Variants in TPCN1 observed in about 807,000 individuals in gnomAD.
TPCN1 encodes two pore segment channel 1, also known as two pore channel protein 1.
A neutral mutation model predicts 108.8 loss-of-function variants in TPCN1; 52 were observed. The observed-to-expected ratio is 0.48, with a 90% confidence interval of 0.38 to 0.60. The LOEUF (loss-of-function observed/expected upper bound fraction) is 0.60, where lower values mean the gene tolerates loss of function less well. Among genes scored for constraint, TPCN1 ranks in the 20% least tolerant of loss-of-function variants. The pLI is 0.00. For missense variants in TPCN1, 806 were observed against 1,072.8 expected, an observed-to-expected ratio of 0.75 and a Z score of 3.47; for synonymous variants, 446 against 433.7, an observed-to-expected ratio of 1.03 and a Z score of -0.35.
chr12:113,246,549 G>A (rs1286663221), intron 2 of TPCN1, among the ~76,000 whole-genome samples: 1 of 152,188 alleles, frequency 6.6e-6, no homozygotes, highest in Non-Finnish European at 1.5e-5. Context: ...GCCTGCCCAC[G>A]CTGCTGCTCA....
intron 25 of TPCN1, chr12:113,292,184 ATAGT>A: frequency 1.9e-6 from 1 of 523,060 alleles, no homozygotes; most frequent in Non-Finnish European, 3.4e-6. Context: ...AGAGCATGTC[ATAGT>A]TGGAGAAAAA....
chr12:113,289,356 G>C lies in TPCN1; in HGVS notation c.1796+509G>C, dbSNP rs1253645744. On this transcript the variant is annotated intron_variant, in intron 21 of 27. Coordinates refer to ENST00000335509, the MANE Select transcript of TPCN1 (RefSeq NM_017901.6). The surrounding 1 kb of genome is among the most constrained non-coding windows in gnomAD (Gnocchi z 4.1). ...GCCATTCATTCATCCTCAATTCAGA[G>C]AGTCCTCTTACATTTGGTCTTTACA... 6.6e-6 allele frequency among the ~76,000 whole-genome samples: 1 copy of C among 152,242 alleles called. No individual in the cohort carries two copies. The highest frequency in any genetic ancestry group is 1.5e-5 in the Non-Finnish European group (1 of 68,042).
At chr12:113,252,063 G>C (rs1362534379) in intron 2 of TPCN1, among the ~76,000 whole-genome samples, 1 of 151,820 alleles carries the variant, frequency 6.6e-6, no homozygotes, top group Non-Finnish European at 1.5e-5. Context: ...TGGCTCTGAG[G>C]ACTGTCCTCC....
At position 113,291,924 on chromosome 12, in the gene TPCN1, A is replaced by G; in HGVS notation, c.2079A>G (p.Arg693=). ...VAFILEAFVF[R]MNYSRKNQDS... The stretch of plus-strand genomic sequence containing the variant: ...TTATCCTCGAGGCCTTCGTCTTCCG[A>G]ATGAACTACAGCCGCAAGAACCAGG... Residue 693 remains arginine, a synonymous_variant, in exon 25 of 28, where the codon CGA becomes CGG. Coordinates refer to ENST00000335509, the MANE Select transcript of TPCN1 (RefSeq NM_017901.6). 6.2e-7 allele frequency: 1 copy of G among 1,613,156 alleles called. No homozygotes were observed. The highest frequency in any genetic ancestry group is 8.5e-7 in the Non-Finnish European group (1 of 1,179,766).
At chr12:113,227,670 C>T (rs770361975) in intron 2 of TPCN1, among the ~76,000 whole-genome samples, 7 of 152,174 alleles carry the variant, frequency 4.6e-5, no homozygotes, top group South Asian at 2.1e-4. Context: ...TAAAATAACT[C>T]GCCTTTTCTG....
At chr12:113,293,110 A>G (rs1566208715) in intron 26 of TPCN1, 37 bp downstream of exon 26, 1 of 1,603,580 alleles carries the variant, frequency 6.2e-7, no homozygotes, top group Admixed American at 1.7e-5. Context: ...GGAGGGAGGC[A>G]GGTTTCAGTG....
intron 2 of TPCN1, among the ~76,000 whole-genome samples, chr12:113,242,597 C>T (rs187954950): frequency 7.4e-4 from 112 of 152,336 alleles, no homozygotes; most frequent in Non-Finnish European, 1.2e-3. Context: ...GAATGCGAAT[C>T]GTGGCTGTTA....
intron 3 of TPCN1, among the ~76,000 whole-genome samples, chr12:113,261,412 CTT>C (rs1188898527): frequency 2.3e-5 from 2 of 87,492 alleles, no homozygotes; most frequent in Non-Finnish European, 4.3e-5. Flanking sequence ...ATAGCATAAG[CTT>C]TTTTTTTTTT....
Position 113,269,803 on chromosome 12 carries a change from C to T in TPCN1, c.706C>T (p.Leu236Phe), listed in dbSNP as rs1393884863. ...GTCCCTGCCGCCCTTCATGGACATCCTCCTGCTGCTGCTGTTCTTCATGAT... is the reference window on the plus strand; with the variant it reads ...GTCCCTGCCGCCCTTCATGGACATCTTCCTGCTGCTGCTGTTCTTCATGAT... The part of the protein sequence containing the change: ...FQSLPPFMDI[L>F]LLLLFFMIIF... The change falls in exon 7 of 28, where the codon CTC becomes TTC. Residue 236 changes from leucine to phenylalanine, a missense_variant. Transcript: ENST00000335509. The surrounding 1 kb of genome is among the most constrained non-coding windows in gnomAD (Gnocchi z 5.0). The T allele has an allele frequency of 1.2e-6, 2 of 1,614,056 alleles. No individual in the cohort carries two copies. The highest frequency in any genetic ancestry group is 1.1e-5 in the South Asian group (1 of 91,072).
At chr12:113,238,071 A>G (rs753994594) in intron 2 of TPCN1, among the ~76,000 whole-genome samples, 2 of 152,162 alleles carry the variant, frequency 1.3e-5, no homozygotes, top group African/African-American at 2.4e-5. Flanking sequence ...GTCTGTTCAG[A>G]TGGCAGCCTA....
At chr12:113,255,849 G>A (rs761012462) in intron 2 of TPCN1, among the ~76,000 whole-genome samples, 1 of 151,734 alleles carries the variant, frequency 6.6e-6, no homozygotes, top group Non-Finnish European at 1.5e-5. Context: ...TATTGAGACA[G>A]GATCTTGCTC....
rs114751228 is a variant in TPCN1, at chr12:113,267,643, A to C, written c.415-200A>C. Among the ~76,000 whole-genome samples the C allele has an allele frequency of 2.6e-3, 395 of 152,186 alleles. 3 individuals are homozygous for C. The highest frequency in any genetic ancestry group is 9.2e-3 in the African/African-American group (382 of 41,516). ...GGGCCAGCATGTCAGTTTCATGGAT[A>C]TCAAGTTTATGTTTAGTTGTTCTGG... is the stretch of plus-strand genomic sequence containing the variant. On this transcript the variant is annotated intron_variant, in intron 4 of 27. Coordinates refer to ENST00000335509, the MANE Select transcript of TPCN1 (RefSeq NM_017901.6).
At chr12:113,285,689 C>T (rs1374851942) in intron 17 of TPCN1, among the ~76,000 whole-genome samples, 200 bp from the exon 18 acceptor site, 1 of 152,230 alleles carries the variant, frequency 6.6e-6, no homozygotes, top group Non-Finnish European at 1.5e-5. Flanking sequence ...TTCTCTTAAG[C>T]AGATTACCCA....
chr12:113,267,493 T>G (rs372547099), intron 4 of TPCN1, among the ~76,000 whole-genome samples: 2 of 151,928 alleles, frequency 1.3e-5, no homozygotes, highest in Admixed American at 1.3e-4. Flanking sequence ...CTGCCTCCTG[T>G]GCTCAAGCGA....
Position 113,272,407 on chromosome 12 carries a change from C to G in TPCN1, c.749-251C>G, listed in dbSNP as rs1955533459. Among the ~76,000 whole-genome samples the G allele has an allele frequency of 6.6e-6, 1 of 152,214 alleles. No individual in the cohort carries two copies. The highest frequency in any genetic ancestry group is 6.5e-5 in the Admixed American group (1 of 15,282). On this transcript the variant is annotated intron_variant, in intron 7 of 27. Coordinates refer to ENST00000335509, the MANE Select transcript of TPCN1 (RefSeq NM_017901.6). This position sits in a 1 kb window ranked among gnomAD's most constrained non-coding sequence, Gnocchi z 4.1. The stretch of plus-strand genomic sequence containing the variant: ...ATTAGATTTTACACAAAAATACAGA[C>G]TTCCAGCCTTTTGAAAGAACAGAGC...
At chr12:113,250,828 C>T (rs1206025673) in intron 2 of TPCN1, among the ~76,000 whole-genome samples, 5 of 151,924 alleles carry the variant, frequency 3.3e-5, no homozygotes, top group Admixed American at 6.6e-5. Context: ...TGTTGGTGCA[C>T]GCCTGTGTGT....
At chr12:113,241,382 C>G (rs920522335) in intron 2 of TPCN1, among the ~76,000 whole-genome samples, 1 of 152,220 alleles carries the variant, frequency 6.6e-6, no homozygotes, top group Non-Finnish European at 1.5e-5. Flanking sequence ...GATCCAGGTG[C>G]TGGGGCGTGG....
In TPCN1 at chr12:113,288,997, T is replaced by C. The variant is rs116168146; in HGVS notation, c.1796+150T>C. On this transcript the variant is annotated intron_variant, in intron 21 of 27. Coordinates refer to ENST00000335509, the MANE Select transcript of TPCN1 (RefSeq NM_017901.6). This position sits in a 1 kb window ranked among gnomAD's most constrained non-coding sequence, Gnocchi z 4.8. ...GCTTTGCTTTCAGGGCTTAGTTGAG[T>C]GCAGTGAGCTAAATGAGGGGCCTGG... is the stretch of plus-strand genomic sequence containing the variant. 6 of 742,758 alleles carry C rather than the reference T, an allele frequency of 8.1e-6. No homozygotes were observed. The highest frequency in any genetic ancestry group is 1.4e-5 in the Non-Finnish European group (6 of 443,882). The allele number at this position is 742,758 out of a possible 1,614,324, so 46.0% of individuals were successfully genotyped here.
chr12:113,273,348 T>C lies in TPCN1; in HGVS notation c.842+58T>C, dbSNP rs1955567432. The C allele has an allele frequency of 6.4e-6, 10 of 1,558,780 alleles. 1 individual carries two copies. The highest frequency in any genetic ancestry group is 4.4e-5 in the South Asian group (4 of 89,934). ...CTGCTGCCGCCCTGGGGTCTCTTTC[T>C]CTTTTCTGCCAAGTATATTCCACAT... On this transcript the variant is annotated intron_variant, in intron 9 of 27. Coordinates refer to ENST00000335509, the MANE Select transcript of TPCN1 (RefSeq NM_017901.6). This position sits in a 1 kb window ranked among gnomAD's most constrained non-coding sequence, Gnocchi z 4.0.
Sources: gnomAD v4.1 joint callset for allele counts (sites outside exome capture counted in the v4.1 genomes callset) on GRCh38, gnomAD v4.1.1 for gene constraint, Gnocchi (gnomAD v3.1) non-coding constraint, MANE v1.5 for transcripts, NCBI Gene and HGNC (gene_info 2026-07-23, HGNC 2026-07-21) for gene names.